The following SRGAP1 variants were observed in gnomAD, a reference collection of about 807,000 sequenced individuals.
The protein encoded by SRGAP1 is SLIT-ROBO Rho GTPase activating protein 1.
A neutral mutation model predicts 121.9 loss-of-function variants in SRGAP1; 43 were observed. The ratio of observed to expected loss-of-function variants is 0.35; its 90% CI spans 0.28 to 0.46. SRGAP1 has a LOEUF of 0.46. Among genes scored for constraint, SRGAP1 ranks in the 20% least tolerant of loss-of-function variants. SRGAP1 has a pLI of 1.00. For synonymous variants in SRGAP1, 447 were observed against 485.4 expected, an observed-to-expected ratio of 0.92 and a Z score of 1.04; for missense variants, 1,102 against 1,350.9, an observed-to-expected ratio of 0.82 and a Z score of 2.89.
At chr12:64,123,707 C>T (rs1327781780) in intron 18 of SRGAP1, among the ~76,000 whole-genome samples, 1 of 151,490 alleles carries the variant, frequency 6.6e-6, no homozygotes, top group African/African-American at 2.4e-5. Context: ...TGAGGCCTCA[C>T]TGTGTTGTTC....
At chr12:63,950,428 G>A (rs150140119) in intron 1 of SRGAP1, among the ~76,000 whole-genome samples, 1 of 152,158 alleles carries the variant, frequency 6.6e-6, no homozygotes, top group East Asian at 1.9e-4. Context: ...CAAGCTTTTT[G>A]TGCTTTTTGT....
intron 21 of SRGAP1, among the ~76,000 whole-genome samples, chr12:64,136,956 T>A (rs2036865316): frequency 6.6e-6 from 1 of 152,140 alleles, no homozygotes; most frequent in South Asian, 2.1e-4. Flanking sequence ...ATCAGGAAAT[T>A]TTTTAAATTG....
intron 8 of SRGAP1, among the ~76,000 whole-genome samples, chr12:64,078,479 G>A (rs918244815): frequency 3.3e-5 from 5 of 152,118 alleles, no homozygotes; most frequent in Admixed American, 6.5e-5. Context: ...GAAGGAGAGG[G>A]TATAGGTGTA....
At chr12:63,918,416 A>G (rs1485961047) in intron 1 of SRGAP1, among the ~76,000 whole-genome samples, 1 of 151,962 alleles carries the variant, frequency 6.6e-6, no homozygotes, top group Non-Finnish European at 1.5e-5. Context: ...TTTATGCTCT[A>G]TTGCTTTCTC....
At position 63,990,077 on chromosome 12, in the gene SRGAP1, A is replaced by G. The variant is rs769816631; in HGVS notation, c.426+5A>G. The G allele has an allele frequency of 6.3e-6, 10 of 1,597,804 alleles. No homozygotes were observed. The East Asian group carries it at 8.9e-5, about 14-fold the overall frequency. On this transcript the variant is annotated splice_donor_5th_base_variant and intron_variant, in intron 3 of 21. Coordinates refer to ENST00000355086, the MANE Select transcript of SRGAP1 (RefSeq NM_020762.4). ...TCTACCAGGATGTTTAAAAAGGTAC[A>G]CTCCATAAATCCTGCCATAGTGTGC...
chr12:64,083,361 G>A (rs1379285868), intron 10 of SRGAP1, among the ~76,000 whole-genome samples: 3 of 152,134 alleles, frequency 2.0e-5, no homozygotes, highest in Non-Finnish European at 4.4e-5. Flanking sequence ...GCAGTTGCTC[G>A]TACACAGCTG....
At chr12:64,118,508 T>C (rs1446221775) in intron 18 of SRGAP1, among the ~76,000 whole-genome samples, 2 of 152,112 alleles carry the variant, frequency 1.3e-5, no homozygotes, top group Admixed American at 6.5e-5. Context: ...GCCATTTACC[T>C]GCCTTGGCCT....
In SRGAP1 at chr12:63,974,942, G is replaced by T. The variant is rs150356463; in HGVS notation, c.68-9005G>T. On this transcript the variant is annotated intron_variant, in intron 1 of 21. Transcript: ENST00000355086. ...CATGTCCAGAGCCAACCCCTCTGAA[G>T]CTATCTGTGATGATGACCCCCAAGT... is the stretch of plus-strand genomic sequence containing the variant. Among the ~76,000 whole-genome samples, 8 of 152,288 alleles carry T rather than the reference G, an allele frequency of 5.3e-5. No homozygotes were observed. The South Asian group carries it at 8.3e-4, about 16-fold the overall frequency.
At position 64,142,826 on chromosome 12, in the gene SRGAP1, C is replaced by A; in HGVS notation, c.*154C>A. On this transcript the variant is annotated 3_prime_UTR_variant, in exon 22 of 22. Coordinates refer to ENST00000355086, the MANE Select transcript of SRGAP1 (RefSeq NM_020762.4). ...TGTCGAATGTAATGTCTGAGACTAGCTAAATTAACACGGGCATTTGTATTT... is the reference window on the plus strand; with the variant it reads ...TGTCGAATGTAATGTCTGAGACTAGATAAATTAACACGGGCATTTGTATTT... The A allele has an allele frequency of 1.0e-6, 1 of 995,450 alleles. No individual in the cohort carries two copies. The highest frequency in any genetic ancestry group is 1.5e-6 in the Non-Finnish European group (1 of 687,240). The allele number at this position is 995,450 out of a possible 1,614,324, so 61.7% of individuals were successfully genotyped here. A position where few individuals can be genotyped will look rare whatever the true frequency, so the allele number is the denominator to read the frequency against.
chr12:64,052,582 T>G (rs546779791), intron 6 of SRGAP1, among the ~76,000 whole-genome samples: 1 of 151,642 alleles, frequency 6.6e-6, no homozygotes, highest in Non-Finnish European at 1.5e-5. Context: ...TAAACGTATA[T>G]GTTTTGTACT....
At chr12:63,986,338 G>A (rs917123837) in intron 2 of SRGAP1, among the ~76,000 whole-genome samples, 3 of 152,152 alleles carry the variant, frequency 2.0e-5, no homozygotes, top group African/African-American at 7.2e-5. Flanking sequence ...AGCAGAGGCT[G>A]GAGCCAGTAC....
intron 1 of SRGAP1, among the ~76,000 whole-genome samples, chr12:63,915,581 T>G (rs569638774): frequency 6.6e-6 from 1 of 152,246 alleles, no homozygotes; most frequent in South Asian, 2.1e-4. Context: ...ATTTTGAAGA[T>G]TTTTAGCTGG....
intron 1 of SRGAP1, among the ~76,000 whole-genome samples, chr12:63,927,413 C>T (rs2031300474): frequency 6.6e-6 from 1 of 152,196 alleles, no homozygotes; most frequent in Non-Finnish European, 1.5e-5. Flanking sequence ...TATCCTGTGG[C>T]CGACCATCAG....
intron 1 of SRGAP1, among the ~76,000 whole-genome samples, chr12:63,965,508 TA>T (rs1288053817): frequency 6.6e-6 from 1 of 151,688 alleles, no homozygotes; most frequent in Non-Finnish European, 1.5e-5. Flanking sequence ...TCATTTACAT[TA>T]AAAAAAATAC....
chr12:64,052,313 G>A (rs2035252400), intron 6 of SRGAP1, among the ~76,000 whole-genome samples: 1 of 152,106 alleles, frequency 6.6e-6, no homozygotes, highest in Non-Finnish European at 1.5e-5. Flanking sequence ...CAGCACTTCG[G>A]GAGGCTGAGG....
chr12:63,887,507 G>A (rs1036343910), intron 1 of SRGAP1: 1 of 152,270 alleles, frequency 6.6e-6, no homozygotes, highest in Non-Finnish European at 1.5e-5. Flanking sequence ...AGTCTGAGGG[G>A]AAGGGTGGGA....
intron 1 of SRGAP1, among the ~76,000 whole-genome samples, chr12:63,870,182 T>C (rs1328555977): frequency 6.6e-6 from 1 of 152,254 alleles, no homozygotes; most frequent in East Asian, 1.9e-4. Flanking sequence ...TTTTTGTTGT[T>C]GTTGTTCAAC....
In SRGAP1 at chr12:63,980,888, C is replaced by T. The variant is rs1001569989; in HGVS notation, c.68-3059C>T. 4.6e-5 allele frequency among the ~76,000 whole-genome samples: 7 copies of T among 152,250 alleles called. 1 individual carries two copies. In the South Asian group the frequency reaches 6.2e-4, roughly 14 times the overall value. On this transcript the variant is annotated intron_variant, in intron 1 of 21. Coordinates refer to ENST00000355086, the MANE Select transcript of SRGAP1 (RefSeq NM_020762.4). Reference sequence around the variant, plus strand: ...GGATTACAGGCGTGAACCACCGCACCTGGCCTCTAAGGAGATGTTTCTTAT... The same window carrying T: ...GGATTACAGGCGTGAACCACCGCACTTGGCCTCTAAGGAGATGTTTCTTAT...
chr12:64,004,662 G>A (rs1247516081), intron 3 of SRGAP1, among the ~76,000 whole-genome samples: 3 of 152,246 alleles, frequency 2.0e-5, no homozygotes, highest in Non-Finnish European at 2.9e-5. Flanking sequence ...GAGCCACCGC[G>A]CTCGGCCCAA....
Sources: allele counts gnomAD v4.1 joint callset (sites outside exome capture counted in the v4.1 genomes callset), GRCh38; gene constraint gnomAD v4.1.1; transcripts MANE v1.5; gene names NCBI Gene and HGNC (gene_info 2026-07-23, HGNC 2026-07-21).